AIG1: variants seen among roughly 807,000 people sequenced by gnomAD.
The protein encoded by AIG1 is androgen induced 1, also known as androgen-induced gene 1 protein.
Under a neutral mutation model 31.4 loss-of-function variants are expected in AIG1, and 23 were observed. The ratio of observed to expected loss-of-function variants is 0.73; its 90% CI spans 0.53 to 1.04. The LOEUF (loss-of-function observed/expected upper bound fraction) is 1.04. Ranked by LOEUF, AIG1 falls within the 50% of genes least tolerant of loss-of-function variation. The pLI, the probability that AIG1 is intolerant of heterozygous loss-of-function variation, is 0.00. For missense variants in AIG1, 274 were observed against 295.0 expected, an observed-to-expected ratio of 0.93 and a Z score of 0.52; for synonymous variants, 100 against 110.5, an observed-to-expected ratio of 0.90 and a Z score of 0.60.
At chr6:143,147,962 T>G (rs1490287391) in intron 2 of AIG1, among the ~76,000 whole-genome samples, 1 of 152,096 alleles carries the variant, frequency 6.6e-6, no homozygotes, top group East Asian at 1.9e-4. Context: ...AGGTAGGAAT[T>G]TCCATCATTT....
At chr6:143,207,279 G>C (rs1471978701) in intron 3 of AIG1, among the ~76,000 whole-genome samples, 5 of 151,792 alleles carry the variant, frequency 3.3e-5, no homozygotes, top group Non-Finnish European at 7.4e-5. Context: ...TGTTTTTCTG[G>C]TGTTTGTATT....
At chr6:143,262,853 T>G (rs1407260904) in intron 3 of AIG1, among the ~76,000 whole-genome samples, 1 of 152,186 alleles carries the variant, frequency 6.6e-6, no homozygotes, top group East Asian at 1.9e-4. Flanking sequence ...AAAATGGTGG[T>G]CAGTTTTTCA....
At chr6:143,282,340 G>A (rs1797391181) in intron 3 of AIG1, among the ~76,000 whole-genome samples, 1 of 152,108 alleles carries the variant, frequency 6.6e-6, no homozygotes, top group Non-Finnish European at 1.5e-5. Flanking sequence ...TGTAAGATTT[G>A]ATAAGACATA....
In AIG1 at chr6:143,138,475, G is replaced by A. The variant is rs1410682794; in HGVS notation, c.297+1485G>A. On this transcript the variant is annotated intron_variant, in intron 2 of 5. Coordinates refer to ENST00000357847, the MANE Select transcript of AIG1 (RefSeq NM_016108.4). Reference sequence around the variant, plus strand: ...CATCTATATCTAATATCTAATATATGCATGTATATTATATATATCATGTAT... The same window carrying A: ...CATCTATATCTAATATCTAATATATACATGTATATTATATATATCATGTAT... 2.0e-5 allele frequency among the ~76,000 whole-genome samples: 3 copies of A among 152,058 alleles called. No homozygotes were observed. In the Middle Eastern group the frequency reaches 0.01, roughly 517 times the overall value.
At chr6:143,232,701 C>T (rs1280666830) in intron 3 of AIG1, among the ~76,000 whole-genome samples, 1 of 152,202 alleles carries the variant, frequency 6.6e-6, no homozygotes, top group East Asian at 1.9e-4. Flanking sequence ...TTCCCTTTCC[C>T]TTTATGGCAG....
At chr6:143,144,283 G>A (rs1034985846) in intron 2 of AIG1, among the ~76,000 whole-genome samples, 1 of 152,138 alleles carries the variant, frequency 6.6e-6, no homozygotes, top group African/African-American at 2.4e-5. Context: ...ATTATTTGTG[G>A]GACCATGGAG....
intron 1 of AIG1, among the ~76,000 whole-genome samples, chr6:143,064,785 T>C (rs1234385463): frequency 6.6e-6 from 1 of 152,196 alleles, no homozygotes; most frequent in Non-Finnish European, 1.5e-5. Context: ...CAGTGGGCAA[T>C]ATGAGGATTT....
At position 143,297,530 on chromosome 6, in the gene AIG1, T is replaced by C. The variant is rs150934994; in HGVS notation, c.515+13305T>C. ...GATGGTTGGGTGGTTGGATGGATGG[T>C]TGGGTGGTTGGATGGCTGGGTGATT... is the stretch of plus-strand genomic sequence containing the variant. On this transcript the variant is annotated intron_variant, in intron 4 of 5. Transcript: ENST00000357847. The surrounding 1 kb of genome is among the most constrained non-coding windows in gnomAD (Gnocchi z 5.1). Among the ~76,000 whole-genome samples the C allele has an allele frequency of 1.2e-5, 1 of 85,344 alleles. No homozygotes were observed. The highest frequency in any genetic ancestry group is 2.5e-5 in the Non-Finnish European group (1 of 39,272). The allele number at this position is 85,344 out of a possible 152,430, so 56.0% of individuals were successfully genotyped here. A position where few individuals can be genotyped will look rare whatever the true frequency, so the allele number is the denominator to read the frequency against.
chr6:143,172,045 T>G (rs1214896026), intron 3 of AIG1, among the ~76,000 whole-genome samples: 1 of 152,206 alleles, frequency 6.6e-6, no homozygotes, highest in Non-Finnish European at 1.5e-5. Flanking sequence ...TTTTTTTTCT[T>G]GCTGATTTGT....
intron 1 of AIG1, among the ~76,000 whole-genome samples, chr6:143,102,468 A>G (rs1341084556): frequency 1.4e-5 from 2 of 147,358 alleles, no homozygotes; most frequent in African/African-American, 2.5e-5. Context: ...ATATATATAT[A>G]TATAAAATAT....
chr6:143,196,701 A>T, intron 3 of AIG1, among the ~76,000 whole-genome samples: 1 of 152,112 alleles, frequency 6.6e-6, no homozygotes, highest in Non-Finnish European at 1.5e-5. Context: ...CAAGAAGGGC[A>T]TTTTCAAGGA....
At chr6:143,147,379 A>G (rs1784801640) in intron 2 of AIG1, among the ~76,000 whole-genome samples, 1 of 152,230 alleles carries the variant, frequency 6.6e-6, no homozygotes, top group Non-Finnish European at 1.5e-5. Context: ...GTTTACAGGC[A>G]TGATGGGAGA....
At chr6:143,143,548 T>TATATATATATATATATAC (rs1357963834) in intron 2 of AIG1, among the ~76,000 whole-genome samples, 9 of 115,078 alleles carry the variant, frequency 7.8e-5, no homozygotes, top group African/African-American at 3.6e-4. Context: ...TATATATATA[T>TATATATATATATATATAC]ATATATACAC....
intron 4 of AIG1, among the ~76,000 whole-genome samples, chr6:143,302,687 G>T (rs537158581): frequency 6.6e-6 from 1 of 152,092 alleles, no homozygotes; most frequent in Non-Finnish European, 1.5e-5. Context: ...ATAAACATAC[G>T]TGTGCATGTG....
chr6:143,279,247 G>C lies in AIG1; in HGVS notation c.400-4863G>C, dbSNP rs1027411415. ...CTGTGGCTACTGTCCCTAAAGCATA[G>C]GTGGGTCAGCCCTGGCATGTGTTAT... On this transcript the variant is annotated intron_variant, in intron 3 of 5. Coordinates refer to ENST00000357847, the MANE Select transcript of AIG1 (RefSeq NM_016108.4). The surrounding 1 kb of genome is among the most constrained non-coding windows in gnomAD (Gnocchi z 5.4). Among the ~76,000 whole-genome samples, 4 of 152,150 alleles carry C rather than the reference G, an allele frequency of 2.6e-5. No homozygotes were observed. The highest frequency in any genetic ancestry group is 1.3e-4 in the Admixed American group (2 of 15,278).
At chr6:143,259,337 G>T (rs965097314) in intron 3 of AIG1, among the ~76,000 whole-genome samples, 2 of 152,186 alleles carry the variant, frequency 1.3e-5, no homozygotes, top group Non-Finnish European at 2.9e-5. Context: ...CTTTTCAGCA[G>T]CATTACATGC....
chr6:143,103,511 T>C (rs1780503519), intron 1 of AIG1, among the ~76,000 whole-genome samples: 1 of 141,244 alleles, frequency 7.1e-6, no homozygotes, highest in African/African-American at 2.7e-5. Context: ...CTTTTTTTTT[T>C]TTTTTTTTTT....
intron 3 of AIG1, among the ~76,000 whole-genome samples, chr6:143,200,578 TA>T (rs1790618472): frequency 6.6e-6 from 1 of 152,208 alleles, no homozygotes; most frequent in South Asian, 2.1e-4. Context: ...AGAATTCCTT[TA>T]CCACGCCACT....
At chr6:143,267,275 C>T (rs897970851) in intron 3 of AIG1, among the ~76,000 whole-genome samples, 3 of 152,174 alleles carry the variant, frequency 2.0e-5, no homozygotes, top group East Asian at 1.9e-4. Context: ...ACTACAAGAA[C>T]GCCTGCTATT....
Sources: gnomAD v4.1 joint callset for allele counts (sites outside exome capture counted in the v4.1 genomes callset) on GRCh38, gnomAD v4.1.1 for gene constraint, Gnocchi (gnomAD v3.1) non-coding constraint, MANE v1.5 for transcripts, NCBI Gene and HGNC (gene_info 2026-07-23, HGNC 2026-07-21) for gene names.